DCAF5: variants seen among roughly 807,000 people sequenced by gnomAD.
The protein encoded by DCAF5 is DDB1- and CUL4-associated factor 5.
A neutral mutation model predicts 80.7 loss-of-function variants in DCAF5; 9 were observed. The ratio of observed to expected loss-of-function variants is 0.11; its 90% confidence interval spans 0.07 to 0.19. The LOEUF is 0.19. DCAF5 is among the 10% of genes least tolerant of loss of function. The pLI, the probability that DCAF5 is intolerant of heterozygous loss-of-function variation, is 1.00. For synonymous variants in DCAF5, 433 were observed against 461.9 expected (o/e 0.94, Z 0.80); for missense variants, 842 against 1,205.7 (o/e 0.70, Z 4.47).
intron 1 of DCAF5, among the ~76,000 whole-genome samples, chr14:69,134,260 G>A (rs1230052726): frequency 6.6e-6 from 1 of 152,148 alleles, no homozygotes; most frequent in Non-Finnish European, 1.5e-5. Context: ...ATTTTAGACA[G>A]TAGAGAAATG....
At chr14:69,074,891 C>T (rs1388660270) in intron 7 of DCAF5, among the ~76,000 whole-genome samples, 1 of 151,772 alleles carries the variant, frequency 6.6e-6, no homozygotes, top group Non-Finnish European at 1.5e-5. Flanking sequence ...AAAAATTAGC[C>T]GGTGTGGTGG....
intron 7 of DCAF5, among the ~76,000 whole-genome samples, chr14:69,063,432 C>T (rs1011258200): frequency 3.3e-5 from 5 of 152,226 alleles, no homozygotes; most frequent in African/African-American, 9.6e-5. Flanking sequence ...TCAGGACACA[C>T]AGAGAAACAT....
intron 1 of DCAF5, among the ~76,000 whole-genome samples, chr14:69,126,515 A>G (rs2040879773): frequency 6.6e-6 from 1 of 152,148 alleles, no homozygotes. Flanking sequence ...ATTCAATGCA[A>G]TCCCACTCAA....
rs1455474428 is a variant in DCAF5 at position 69,054,391 on chromosome 14, A to C, written c.2295T>G (p.Thr765=). Residue 765 remains threonine, a synonymous_variant, in exon 9 of 9, where the codon ACT becomes ACG. Coordinates refer to ENST00000341516, the MANE Select transcript of DCAF5 (RefSeq NM_003861.3). ...AEVPEGTSQD[T]GNSGSVEHPF... is the part of the protein sequence containing the mutation. ...GGTGCTCTACAGAGCCGCTATTGCC[A>C]GTGTCCTGAGAGGTACCCTCTGGCA... is the stretch of plus-strand genomic sequence containing the variant. 1 of 1,614,102 alleles carries C rather than the reference A, an allele frequency of 6.2e-7. No homozygotes were observed.
Position 69,122,273 on chromosome 14 carries a change from T to C in DCAF5, c.302A>G (p.His101Arg), listed in dbSNP as rs773141798. The C allele has an allele frequency of 9.9e-6, 16 of 1,613,952 alleles. No homozygotes were observed. Among genetic ancestry groups the C allele is most frequent in the Admixed American group, 3.3e-5 (2 of 60,000 alleles). ...GAAAGCCAGGCAAAAAATGTTGGAATGGTGCTCTCCTTTCAGCTGTATGGG... is the reference window on the plus strand; with the variant it reads ...GAAAGCCAGGCAAAAAATGTTGGAACGGTGCTCTCCTTTCAGCTGTATGGG... ...VKPIQLKGEH[H>R]SNIFCLAFNS... Residue 101 changes from histidine (H) to arginine (R), a missense_variant, in exon 2 of 9, where the codon CAT (histidine) becomes CGT (arginine). His to Arg is a conservative substitution (Grantham distance 29). Coordinates refer to ENST00000341516, the MANE Select transcript of DCAF5 (RefSeq NM_003861.3).
chr14:69,070,544 G>A (rs1176985628), intron 7 of DCAF5, among the ~76,000 whole-genome samples: 1 of 152,174 alleles, frequency 6.6e-6, no homozygotes, highest in Non-Finnish European at 1.5e-5. Flanking sequence ...TGTAGTTAGT[G>A]GTAGTTAAGT....
chr14:69,120,939 T>A (rs1053305423), intron 2 of DCAF5, among the ~76,000 whole-genome samples: 4 of 152,158 alleles, frequency 2.6e-5, no homozygotes, highest in Non-Finnish European at 1.5e-5. Flanking sequence ...AGGGTGAAAG[T>A]ACATGGAGAA....
In DCAF5 at chr14:69,152,987, C is replaced by T. The variant is rs2041755689; in HGVS notation, c.-9G>A. On this transcript the variant is annotated 5_prime_UTR_variant, in exon 1 of 9. Transcript: ENST00000341516. The surrounding 1 kb of genome is among the most constrained non-coding windows in gnomAD (Gnocchi z 4.1). ...CCAGCTCTCCTCTTCATGCTGGAACCGCCGCCGCCGCCGCTCGCGCCGCCG... is the reference window on the plus strand; with the variant it reads ...CCAGCTCTCCTCTTCATGCTGGAACTGCCGCCGCCGCCGCTCGCGCCGCCG... 1 of 1,503,000 alleles carries T rather than the reference C, an allele frequency of 6.7e-7. No homozygotes were observed. Among genetic ancestry groups the T allele is most frequent in the Non-Finnish European group, 8.9e-7 (1 of 1,125,796 alleles). 93.1% of individuals were successfully genotyped at this position (1,503,000 alleles called of 1,614,324 possible). A position where few individuals can be genotyped will look rare whatever the true frequency, so the allele number is the denominator to read the frequency against.
chr14:69,128,378 A>G (rs1275413), intron 1 of DCAF5, among the ~76,000 whole-genome samples: 103,456 of 151,840 alleles, frequency 0.68, 35,552 homozygotes, highest in East Asian at 0.97. Context: ...TAGAGACAGG[A>G]TTTCACCATG....
At chr14:69,129,700 T>C (rs954546803) in intron 1 of DCAF5, among the ~76,000 whole-genome samples, 1 of 152,182 alleles carries the variant, frequency 6.6e-6, no homozygotes, top group Non-Finnish European at 1.5e-5. Flanking sequence ...GGCAGTTGGA[T>C]GAGAATGGGG....
chr14:69,125,919 AGT>A lies in DCAF5; in HGVS notation c.215-3561_215-3560del, dbSNP rs369981834. Reference sequence around the variant, plus strand: ...ACACACATAGTAAAAGAGGCTTTTAAGTGTATCTGTAGTGTTTCTTTAAAAAA... The same window carrying A: ...ACACACATAGTAAAAGAGGCTTTTAAGTATCTGTAGTGTTTCTTTAAAAAA... On this transcript the variant is annotated intron_variant, in intron 1 of 8. Coordinates refer to ENST00000341516, the MANE Select transcript of DCAF5 (RefSeq NM_003861.3). Among the ~76,000 whole-genome samples the A allele has an allele frequency of 1.2e-4, 19 of 152,298 alleles. No homozygotes were observed. The East Asian group carries it at 3.5e-3, about 28-fold the overall frequency.
At chr14:69,069,199 C>T (rs1241113981) in intron 7 of DCAF5, among the ~76,000 whole-genome samples, 4 of 152,172 alleles carry the variant, frequency 2.6e-5, no homozygotes, top group African/African-American at 9.7e-5. Flanking sequence ...CAAAAAAATG[C>T]ATTTACAGCT....
intron 5 of DCAF5, among the ~76,000 whole-genome samples, chr14:69,105,920 T>TA (rs1595007470): frequency 1.4e-5 from 1 of 72,746 alleles, no homozygotes; most frequent in East Asian, 3.9e-4. Flanking sequence ...CTGTCATATA[T>TA]ATATATATAT....
At chr14:69,113,733 C>T (rs1208969970) in intron 5 of DCAF5, among the ~76,000 whole-genome samples, 1 of 152,116 alleles carries the variant, frequency 6.6e-6, no homozygotes, top group Admixed American at 6.5e-5. Flanking sequence ...TGAGGGAATT[C>T]TAACAGAAAA....
At chr14:69,140,897 AC>A (rs1483767789) in intron 1 of DCAF5, among the ~76,000 whole-genome samples, 1 of 151,624 alleles carries the variant, frequency 6.6e-6, no homozygotes. Flanking sequence ...CGGGCAGATC[AC>A]CCCCGCCTAG....
rs1595080616 is a variant in DCAF5, at chr14:69,152,739, C to CG, written c.214+25dup. 6.5e-7 allele frequency: 1 copy of CG among 1,534,246 alleles called. No homozygotes were observed. The highest frequency in any genetic ancestry group is 2.4e-5 in the East Asian group (1 of 41,252). On this transcript the variant is annotated intron_variant, in intron 1 of 8. Transcript: ENST00000341516. This position sits in a 1 kb window ranked among gnomAD's most constrained non-coding sequence, Gnocchi z 4.1. Reference sequence around the variant, plus strand: ...GAGGCTGGGAGGGTGCGGGGAGGCGCGGGGAGGGGAAGGGGGTTGATTTAC... The same window carrying CG: ...GAGGCTGGGAGGGTGCGGGGAGGCGCGGGGGAGGGGAAGGGGGTTGATTTAC...
intron 8 of DCAF5, among the ~76,000 whole-genome samples, chr14:69,062,043 C>T (rs1041687209): frequency 1.3e-5 from 2 of 151,808 alleles, no homozygotes; most frequent in African/African-American, 2.4e-5. Flanking sequence ...CATTTTAAAT[C>T]ACCTTTCTTT....
rs35359938 is a variant in DCAF5 at position 69,136,113 on chromosome 14, C to CTTTT, written c.215-13757_215-13754dup. Among the ~76,000 whole-genome samples, 59 of 125,286 alleles carry CTTTT rather than the reference C, an allele frequency of 4.7e-4. 1 individual carries two copies. The highest frequency in any genetic ancestry group is 1.3e-3 in the Admixed American group (15 of 11,184). The allele number at this position is 125,286 out of a possible 152,430, so 82.2% of individuals were successfully genotyped here. ...CTTTTATAAAAACTGATGTGTAAAA[C>CTTTT]TTTTTTTTTTTTTTTTTTTGGATAC... On this transcript the variant is annotated intron_variant, in intron 1 of 8. Coordinates refer to ENST00000341516, the MANE Select transcript of DCAF5 (RefSeq NM_003861.3).
intron 1 of DCAF5, among the ~76,000 whole-genome samples, chr14:69,142,546 C>T (rs1339957303): frequency 1.3e-5 from 2 of 152,212 alleles, no homozygotes; most frequent in African/African-American, 4.8e-5. Flanking sequence ...GCTTCAAGCT[C>T]ATTAAGGATT....
Sources: gnomAD v4.1 joint callset for allele counts (sites outside exome capture counted in the v4.1 genomes callset) on GRCh38, gnomAD v4.1.1 for gene constraint, Gnocchi (gnomAD v3.1) non-coding constraint, MANE v1.5 for transcripts, NCBI Gene and HGNC (gene_info 2026-07-23, HGNC 2026-07-21) for gene names.